The following CDK19 variants were observed in gnomAD, a reference collection of about 807,000 sequenced individuals.
CDK19 encodes cyclin-dependent kinase 19.
CDK19 carries 20 observed loss-of-function variants against 68.3 expected under a neutral mutation model. The observed-to-expected ratio is 0.29, with a 90% confidence interval of 0.21 to 0.43. The LOEUF (loss-of-function observed/expected upper bound fraction) is 0.43. Among genes scored for constraint, CDK19 ranks in the 20% least tolerant of loss-of-function variants. The pLI, the probability that CDK19 is intolerant of heterozygous loss-of-function variation, is 1.00. For missense variants in CDK19, 339 were observed against 623.5 expected (o/e 0.54, Z 4.86); for synonymous variants, 221 against 222.8 (o/e 0.99, Z 0.07).
At chr6:110,632,207 C>T (rs1419397813) in intron 5 of CDK19, 46 bp from the exon 6 acceptor site, 2 of 1,490,084 alleles carry the variant, frequency 1.3e-6, no homozygotes, top group Non-Finnish European at 1.8e-6. Flanking sequence ...TTGATTGTTT[C>T]TCGTCCTTTT....
In CDK19 at chr6:110,791,467, G is replaced by A. The variant is rs1449032279; in HGVS notation, c.128+23542C>T. 2.0e-5 allele frequency among the ~76,000 whole-genome samples: 3 copies of A among 151,958 alleles called. No homozygotes were observed. In the East Asian group the frequency reaches 5.8e-4, roughly 29 times the overall value. On this transcript the variant is annotated intron_variant, in intron 1 of 12. Transcript: ENST00000368911. Reference sequence around the variant, plus strand: ...CACAACTATTGGAAAAGAAGGTTTAGTAAAATGGAAAAATATTCATTATAT... The same window carrying A: ...CACAACTATTGGAAAAGAAGGTTTAATAAAATGGAAAAATATTCATTATAT...
intron 1 of CDK19, among the ~76,000 whole-genome samples, chr6:110,756,896 T>C (rs563546884): frequency 2.6e-5 from 4 of 152,186 alleles, no homozygotes; most frequent in African/African-American, 9.6e-5. Flanking sequence ...GAAGAGGCAG[T>C]AGAATATGAA....
chr6:110,617,662 TACACACACACACAC>T (rs561387463), intron 12 of CDK19, among the ~76,000 whole-genome samples: 4,481 of 107,136 alleles, frequency 0.042, 124 homozygotes, highest in Middle Eastern at 0.096. Context: ...TATATATATA[TACACACACACACAC>T]ACACACACAC....
rs1017570370 is a variant in CDK19 at position 110,790,176 on chromosome 6, G to A, written c.128+24833C>T. Among the ~76,000 whole-genome samples the A allele has an allele frequency of 3.3e-5, 5 of 152,258 alleles. No individual in the cohort carries two copies. In the South Asian group the frequency reaches 8.3e-4, roughly 25 times the overall value. ...GATAAGATTCCACATAGCTCTAAAC[G>A]CTTATGTTGTATTTATACTGCTACC... On this transcript the variant is annotated intron_variant, in intron 1 of 12. Transcript: ENST00000368911.
intron 8 of CDK19, among the ~76,000 whole-genome samples, chr6:110,625,167 G>T (rs952259366): frequency 6.6e-6 from 1 of 152,050 alleles, no homozygotes; most frequent in Non-Finnish European, 1.5e-5. Flanking sequence ...CCAGCAACCT[G>T]AGCATCACCT....
intron 1 of CDK19, among the ~76,000 whole-genome samples, chr6:110,751,697 A>G (rs73528413): frequency 0.16 from 23,775 of 152,096 alleles, 2,069 homozygotes; most frequent in East Asian, 0.32. Context: ...GAAGACAAAC[A>G]ATTCTATGAA....
intron 12 of CDK19, among the ~76,000 whole-genome samples, chr6:110,617,343 A>C (rs1778380235): frequency 6.6e-6 from 1 of 152,232 alleles, no homozygotes. Flanking sequence ...ACCCAGAGGC[A>C]GGAATGCACG....
intron 2 of CDK19, among the ~76,000 whole-genome samples, chr6:110,723,755 C>G (rs1776118520): frequency 6.6e-6 from 1 of 152,140 alleles, no homozygotes; most frequent in African/African-American, 2.4e-5. Flanking sequence ...ATGAACAAAG[C>G]CATGCCCACA....
intron 1 of CDK19, among the ~76,000 whole-genome samples, chr6:110,769,012 TG>T: frequency 6.6e-6 from 1 of 150,620 alleles, no homozygotes; most frequent in Non-Finnish European, 1.5e-5. Context: ...AAAATTAGCC[TG>T]GCATGGTGGC....
intron 2 of CDK19, among the ~76,000 whole-genome samples, chr6:110,687,311 C>T (rs1420147447): frequency 2.0e-5 from 3 of 152,072 alleles, no homozygotes; most frequent in Non-Finnish European, 4.4e-5. Context: ...AAATTACAGC[C>T]AAGGGTTTTA....
intron 2 of CDK19, chr6:110,706,833 T>C: frequency 4.8e-6 from 1 of 210,524 alleles, no homozygotes; most frequent in Non-Finnish European, 1.0e-5. Flanking sequence ...ACCTTTCTTG[T>C]AGATTCACAT....
At chr6:110,706,016 A>C (rs1459821807) in intron 2 of CDK19, among the ~76,000 whole-genome samples, 1 of 152,046 alleles carries the variant, frequency 6.6e-6, no homozygotes, top group Non-Finnish European at 1.5e-5. Flanking sequence ...AAATAATAAT[A>C]ATAAAAAAAA....
Position 110,708,029 on chromosome 6 carries a change from T to C in CDK19, c.205-37488A>G, listed in dbSNP as rs563735550. Among the ~76,000 whole-genome samples, 18 of 152,228 alleles carry C rather than the reference T, an allele frequency of 1.2e-4. No individual in the cohort carries two copies. The South Asian group carries it at 3.1e-3, about 26-fold the overall frequency. ...TAATATTATAGTATGTTTTTTAATATTATAAACAATGCTATAATGAATAGT... is the reference window on the plus strand; with the variant it reads ...TAATATTATAGTATGTTTTTTAATACTATAAACAATGCTATAATGAATAGT... On this transcript the variant is annotated intron_variant, in intron 2 of 12. Coordinates refer to ENST00000368911, the MANE Select transcript of CDK19 (RefSeq NM_015076.5).
intron 1 of CDK19, among the ~76,000 whole-genome samples, chr6:110,770,591 T>C (rs1327331723): frequency 2.6e-5 from 4 of 152,124 alleles, no homozygotes; most frequent in African/African-American, 9.7e-5. Context: ...AGCCAAACCA[T>C]ATCATTCCAC....
At chr6:110,798,628 GAAA>G (rs59236293) in intron 1 of CDK19, among the ~76,000 whole-genome samples, 64 of 56,730 alleles carry the variant, frequency 1.1e-3, no homozygotes, top group African/African-American at 3.2e-3. Context: ...TCTGTCTCCA[GAAA>G]AAAAAAAAAA....
chr6:110,679,758 G>A (rs1771854490), intron 2 of CDK19, among the ~76,000 whole-genome samples: 1 of 152,070 alleles, frequency 6.6e-6, no homozygotes, highest in African/African-American at 2.4e-5. Flanking sequence ...CACTTAAACT[G>A]ACAAGAAGCT....
At chr6:110,645,828 G>A in intron 4 of CDK19, 2 of 605,202 alleles carry the variant, frequency 3.3e-6, no homozygotes, top group South Asian at 3.4e-5. Flanking sequence ...GGCCGCGCAC[G>A]ACGCGCCGCG....
At chr6:110,737,221 C>T (rs892474994) in intron 2 of CDK19, among the ~76,000 whole-genome samples, 2 of 152,158 alleles carry the variant, frequency 1.3e-5, no homozygotes, top group African/African-American at 4.8e-5. Flanking sequence ...CTTCCCTTAC[C>T]ATAACACACA....
At chr6:110,788,562 G>T (rs1781392943) in intron 1 of CDK19, among the ~76,000 whole-genome samples, 2 of 152,030 alleles carry the variant, frequency 1.3e-5, no homozygotes, top group South Asian at 4.2e-4. Flanking sequence ...TTGCTATAAG[G>T]TGTCATATGA....
Sources: allele counts gnomAD v4.1 joint callset (sites outside exome capture counted in the v4.1 genomes callset), GRCh38; gene constraint gnomAD v4.1.1; transcripts MANE v1.5; gene names NCBI Gene and HGNC (gene_info 2026-07-23, HGNC 2026-07-21).